The following ADAMTS16 variants were observed in gnomAD, a reference collection of about 807,000 sequenced individuals.
ADAMTS16 encodes the protein A disintegrin and metalloproteinase with thrombospondin motifs 16.
Under a neutral mutation model 145.8 loss-of-function variants are expected in ADAMTS16, and 94 were observed. That is an observed-to-expected ratio of 0.64 (90% CI 0.55 to 0.77). ADAMTS16 has a LOEUF of 0.77. Among genes scored for constraint, ADAMTS16 ranks in the 30% least tolerant of loss-of-function variants. The pLI, the probability that ADAMTS16 is intolerant of heterozygous loss-of-function variation, is 0.00. For missense variants in ADAMTS16, 1,585 were observed against 1,591.5 expected (o/e 1.00, Z 0.07); for synonymous variants, 659 against 604.3 (o/e 1.09, Z -1.33).
At position 5,213,359 on chromosome 5, in the gene ADAMTS16, C is replaced by G. The variant is rs150232679; in HGVS notation, c.1605+4113C>G. On this transcript the variant is annotated intron_variant, in intron 10 of 22. Transcript: ENST00000274181. ...TCTTTATCTGAAAATGTCATGAATT[C>G]ATCCTCAGTTTTGAAGATGAAAAGT... Among the ~76,000 whole-genome samples the G allele has an allele frequency of 4.1e-4, 63 of 152,256 alleles. 1 individual carries two copies. Among genetic ancestry groups the G allele is most frequent in the African/African-American group, 1.2e-3 (50 of 41,572 alleles).
intron 17 of ADAMTS16, among the ~76,000 whole-genome samples, chr5:5,248,092 G>A (rs150809287): frequency 8.7e-4 from 133 of 152,336 alleles, no homozygotes; most frequent in Non-Finnish European, 1.2e-3. Context: ...GAGCTCATGC[G>A]TTCATTTATG....
At chr5:5,315,893 T>C (rs1734040541) in intron 21 of ADAMTS16, among the ~76,000 whole-genome samples, 1 of 152,056 alleles carries the variant, frequency 6.6e-6, no homozygotes, top group Admixed American at 6.6e-5. Flanking sequence ...GCAAAGGGAG[T>C]AAGCCTCCCA....
intron 18 of ADAMTS16, among the ~76,000 whole-genome samples, chr5:5,297,553 T>C (rs576960883): frequency 6.6e-6 from 1 of 152,372 alleles, no homozygotes; most frequent in East Asian, 1.9e-4. Flanking sequence ...TTCTTTGGTC[T>C]GTGTGTCTCA....
chr5:5,291,626 C>G (rs1364394919), intron 18 of ADAMTS16, among the ~76,000 whole-genome samples: 2 of 152,160 alleles, frequency 1.3e-5, no homozygotes, highest in South Asian at 4.1e-4. Flanking sequence ...ACCCAGGCAT[C>G]CTGACCGCAG....
chr5:5,239,900 C>T lies in ADAMTS16; in HGVS notation c.2498C>T (p.Pro833Leu). ...NEPENLIATG[P>L]TNETLIVELL... ...CCCGAGAACTTAATCGCTACTGGAC[C>T]AACCAACGAGACACTGATTGTGGAG... Residue 833 changes from proline (P) to leucine (L), a missense_variant, in exon 16 of 23, where the codon CCA (proline) becomes CTA (leucine). Pro to Leu is a moderately conservative substitution (Grantham distance 98, BLOSUM62 -3). Transcript: ENST00000274181. 1.2e-6 allele frequency: 2 copies of T among 1,613,956 alleles called. No individual in the cohort carries two copies. Among genetic ancestry groups the T allele is most frequent in the Non-Finnish European group, 1.7e-6 (2 of 1,180,022 alleles).
intron 8 of ADAMTS16, among the ~76,000 whole-genome samples, chr5:5,194,391 T>G (rs1579302017): frequency 6.6e-6 from 1 of 152,276 alleles, no homozygotes; most frequent in Non-Finnish European, 1.5e-5. Flanking sequence ...TTCTGTAAAA[T>G]TCACCTAGCA....
chr5:5,150,310 G>T (rs1392730379), intron 3 of ADAMTS16, among the ~76,000 whole-genome samples: 3 of 152,192 alleles, frequency 2.0e-5, no homozygotes, highest in African/African-American at 7.2e-5. Flanking sequence ...CTGTGCAGAG[G>T]TTAGCAACTT....
At chr5:5,251,734 C>T (rs777386555) in intron 17 of ADAMTS16, among the ~76,000 whole-genome samples, 1 of 152,220 alleles carries the variant, frequency 6.6e-6, no homozygotes, top group African/African-American at 2.4e-5. Context: ...CTCTCTGCAT[C>T]GTAGGACCCC....
intron 18 of ADAMTS16, among the ~76,000 whole-genome samples, chr5:5,270,853 A>G (rs2126451021): frequency 6.6e-6 from 1 of 152,242 alleles, no homozygotes; most frequent in Middle Eastern, 3.4e-3. Context: ...CCTCCCTGAG[A>G]GGCTTCCCTG....
At chr5:5,226,041 G>A (rs1736756968) in intron 11 of ADAMTS16, among the ~76,000 whole-genome samples, 1 of 152,134 alleles carries the variant, frequency 6.6e-6, no homozygotes, top group South Asian at 2.1e-4. Context: ...ATGGAGACAC[G>A]TGGCCTTCCA....
chr5:5,281,074 C>G (rs186438155), intron 18 of ADAMTS16, among the ~76,000 whole-genome samples: 1 of 152,204 alleles, frequency 6.6e-6, no homozygotes, highest in African/African-American at 2.4e-5. Context: ...AAAAGAGAAG[C>G]AGAAATGTCC....
chr5:5,287,149 G>A (rs1315017797), intron 18 of ADAMTS16, among the ~76,000 whole-genome samples: 2 of 152,146 alleles, frequency 1.3e-5, no homozygotes, highest in East Asian at 1.9e-4. Flanking sequence ...CCTTCCTGCA[G>A]AGAATGGAAT....
At chr5:5,201,538 G>T (rs935295764) in intron 9 of ADAMTS16, among the ~76,000 whole-genome samples, 10 of 148,052 alleles carry the variant, frequency 6.8e-5, no homozygotes, top group Admixed American at 5.4e-4. Flanking sequence ...AAAGCAAAGG[G>T]TTTTTTTTTT....
At chr5:5,172,975 C>A (rs548548073) in intron 3 of ADAMTS16, among the ~76,000 whole-genome samples, 5 of 152,098 alleles carry the variant, frequency 3.3e-5, no homozygotes, top group African/African-American at 1.2e-4. Flanking sequence ...TATATAATGA[C>A]CTTCTTTATC....
chr5:5,195,706 C>T (rs1466937819), intron 8 of ADAMTS16, among the ~76,000 whole-genome samples: 3 of 152,170 alleles, frequency 2.0e-5, no homozygotes, highest in Non-Finnish European at 4.4e-5. Context: ...ATTCATTATT[C>T]ATCAGTCTGT....
chr5:5,176,337 T>A (rs1433573001), intron 3 of ADAMTS16: 1 of 152,198 alleles, frequency 6.6e-6, no homozygotes, highest in African/African-American at 2.4e-5. Flanking sequence ...TGACAGAGGA[T>A]CACCTTTCAC....
At chr5:5,185,553 T>G (rs1735472613) in intron 4 of ADAMTS16, among the ~76,000 whole-genome samples, 1 of 152,234 alleles carries the variant, frequency 6.6e-6, no homozygotes, top group Admixed American at 6.5e-5. Flanking sequence ...TTTTATAATC[T>G]ATTGGAAACA....
At chr5:5,163,975 G>A (rs1279727577) in intron 3 of ADAMTS16, among the ~76,000 whole-genome samples, 2 of 152,146 alleles carry the variant, frequency 1.3e-5, no homozygotes, top group African/African-American at 4.8e-5. Context: ...TCCCAGTGTT[G>A]AGTTTGTGAA....
chr5:5,232,313 A>G (rs1303019083), intron 11 of ADAMTS16, 55 bp from the exon 12 acceptor site: 4 of 1,608,704 alleles, frequency 2.5e-6, no homozygotes, highest in Non-Finnish European at 3.4e-6. Flanking sequence ...GATGAGATGA[A>G]CCCATCTATC....
Sources: gnomAD v4.1 joint callset for allele counts (sites outside exome capture counted in the v4.1 genomes callset) on GRCh38, gnomAD v4.1.1 for gene constraint, MANE v1.5 for transcripts, NCBI Gene and HGNC (gene_info 2026-07-23, HGNC 2026-07-21) for gene names.